CADM2: variants seen among roughly 807,000 people sequenced by gnomAD.
CADM2 encodes cell adhesion molecule 2, also known as immunoglobulin superfamily member 4D.
A neutral mutation model predicts 49.8 loss-of-function variants in CADM2; 12 were observed. That is an observed-to-expected ratio of 0.24 (90% CI 0.15 to 0.39). The LOEUF is 0.39. Among genes scored for constraint, CADM2 ranks in the 10% least tolerant of loss-of-function variants. The pLI, the probability that CADM2 is intolerant of heterozygous loss-of-function variation, is 1.00. For synonymous variants in CADM2, 214 were observed against 175.4 expected, an observed-to-expected ratio of 1.22 and a Z score of -1.74; for missense variants, 378 against 492.3, an observed-to-expected ratio of 0.77 and a Z score of 2.20.
chr3:85,695,134 T>C (rs1390671335), intron 1 of CADM2, among the ~76,000 whole-genome samples: 2 of 152,156 alleles, frequency 1.3e-5, no homozygotes, highest in Non-Finnish European at 2.9e-5. Context: ...CTTAAATATT[T>C]ATTGTTTCAT....
rs1391589037 is a variant in CADM2 at position 85,344,728 on chromosome 3, T to G, written c.62-381794T>G. On this transcript the variant is annotated intron_variant, in intron 1 of 9. Transcript: ENST00000383699. ...TTCTTTGATATTTCCACTGGTAACT[T>G]TATAGAAAATTATTTTTGAATGTGC... Among the ~76,000 whole-genome samples the G allele has an allele frequency of 2.6e-5, 4 of 152,114 alleles. No homozygotes were observed. In the East Asian group the frequency reaches 7.7e-4, roughly 29 times the overall value.
At chr3:85,282,493 A>T (rs2043527389) in intron 1 of CADM2, among the ~76,000 whole-genome samples, 1 of 150,134 alleles carries the variant, frequency 6.7e-6, no homozygotes, top group East Asian at 2.0e-4. Flanking sequence ...GATGGTCACA[A>T]GCTCATGACC....
intron 1 of CADM2, among the ~76,000 whole-genome samples, chr3:85,646,396 T>A (rs1256946653): frequency 1.3e-5 from 2 of 151,934 alleles, no homozygotes; most frequent in Non-Finnish European, 2.9e-5. Flanking sequence ...AACAGTCAAT[T>A]AGGAGCACAA....
At chr3:85,462,985 G>A (rs534770348) in intron 1 of CADM2, among the ~76,000 whole-genome samples, 4 of 152,160 alleles carry the variant, frequency 2.6e-5, no homozygotes, top group East Asian at 1.9e-4. Context: ...TCATGCCTTC[G>A]TTTCCTCATC....
In CADM2 at chr3:85,703,248, C is replaced by T. The variant is rs746406052; in HGVS notation, c.62-23274C>T. 3.7e-4 allele frequency among the ~76,000 whole-genome samples: 57 copies of T among 152,048 alleles called. 1 individual carries two copies. The highest frequency in any genetic ancestry group is 6.3e-3 in the Middle Eastern group (2 of 316). ...CCCTCAAACCCCAAAGAGCTAAATG[C>T]CATTCAGGTGATTAGCAGGATCAGC... On this transcript the variant is annotated intron_variant, in intron 1 of 9. Transcript: ENST00000383699.
At chr3:85,299,873 G>C (rs528272207) in intron 1 of CADM2, among the ~76,000 whole-genome samples, 4 of 152,176 alleles carry the variant, frequency 2.6e-5, no homozygotes, top group African/African-American at 9.6e-5. Flanking sequence ...TGCAAAGACT[G>C]TGGTAAACCC....
At chr3:86,055,451 C>CTTTTTTTTT (rs57606781) in intron 8 of CADM2, among the ~76,000 whole-genome samples, 11 of 87,480 alleles carry the variant, frequency 1.3e-4, no homozygotes, top group East Asian at 4.1e-4. Flanking sequence ...GGCATCCCCT[C>CTTTTTTTTT]TTTTTTTTTT....
chr3:85,274,646 A>G (rs1021453093), intron 1 of CADM2, among the ~76,000 whole-genome samples: 1 of 151,484 alleles, frequency 6.6e-6, no homozygotes, highest in African/African-American at 2.4e-5. Context: ...AGAATAGGAC[A>G]TCTTTCTCCC....
chr3:85,865,638 A>T (rs1236227089), intron 3 of CADM2, among the ~76,000 whole-genome samples: 1 of 152,228 alleles, frequency 6.6e-6, no homozygotes, highest in African/African-American at 2.4e-5. Context: ...TGCAAATGAT[A>T]ATATGACTGT....
chr3:86,057,022 T>C lies in CADM2; in HGVS notation c.971-8583T>C, dbSNP rs181160054. ...AAGTTTCTACACATATTACGTATAG[T>C]TAAAACTATGTGTAAATCACTGCAC... On this transcript the variant is annotated intron_variant, in intron 8 of 9. Coordinates refer to ENST00000383699, the MANE Select transcript of CADM2 (RefSeq NM_001167675.2). 5.8e-3 allele frequency among the ~76,000 whole-genome samples: 889 copies of C among 152,334 alleles called. 10 individuals carry two copies. Among genetic ancestry groups the C allele is most frequent in the Non-Finnish European group, 0.01 (681 of 68,022 alleles).
At chr3:85,738,552 CATG>C (rs1362731764) in intron 2 of CADM2, among the ~76,000 whole-genome samples, 3 of 152,192 alleles carry the variant, frequency 2.0e-5, no homozygotes, top group Non-Finnish European at 4.4e-5. Context: ...GTCATTTCAG[CATG>C]ATAATTTGAC....
chr3:85,904,747 C>CAT (rs1716562166), intron 5 of CADM2, among the ~76,000 whole-genome samples: 1 of 152,082 alleles, frequency 6.6e-6, no homozygotes, highest in Non-Finnish European at 1.5e-5. Flanking sequence ...CATACTCATA[C>CAT]GTTTTCACGA....
At chr3:85,445,980 T>G (rs995712459) in intron 1 of CADM2, among the ~76,000 whole-genome samples, 1 of 152,138 alleles carries the variant, frequency 6.6e-6, no homozygotes, top group Non-Finnish European at 1.5e-5. Context: ...TCTACAAATA[T>G]TTTACAAATA....
intron 1 of CADM2, among the ~76,000 whole-genome samples, chr3:85,290,705 C>T (rs533394153): frequency 1.3e-5 from 2 of 152,274 alleles, no homozygotes; most frequent in South Asian, 4.1e-4. Flanking sequence ...GCTGGTACTC[C>T]AACAGACCTG....
chr3:85,788,428 A>G (rs949190666), intron 2 of CADM2, among the ~76,000 whole-genome samples: 4 of 152,232 alleles, frequency 2.6e-5, no homozygotes, highest in Non-Finnish European at 5.9e-5. Flanking sequence ...CCAAACATCT[A>G]TGTAGCTATT....
At chr3:85,588,756 G>A (rs1422239568) in intron 1 of CADM2, among the ~76,000 whole-genome samples, 1 of 151,920 alleles carries the variant, frequency 6.6e-6, no homozygotes, top group Non-Finnish European at 1.5e-5. Context: ...GTAAGAAAAG[G>A]CAAATGTCAG....
At chr3:85,555,525 T>C (rs909448893) in intron 1 of CADM2, among the ~76,000 whole-genome samples, 1 of 152,114 alleles carries the variant, frequency 6.6e-6, no homozygotes, top group Non-Finnish European at 1.5e-5. Flanking sequence ...CAAAAGTAAT[T>C]ATATTGTGAG....
At chr3:85,370,938 A>C (rs1283020028) in intron 1 of CADM2, among the ~76,000 whole-genome samples, 1 of 152,190 alleles carries the variant, frequency 6.6e-6, no homozygotes, top group African/African-American at 2.4e-5. Context: ...GAGTTTAAAA[A>C]ATCAAAACAA....
At chr3:85,790,801 C>T (rs1385400213) in intron 2 of CADM2, among the ~76,000 whole-genome samples, 1 of 152,158 alleles carries the variant, frequency 6.6e-6, no homozygotes, top group Admixed American at 6.5e-5. Flanking sequence ...TTTGTTTCTT[C>T]CCTGCCTTGG....
Sources: gnomAD v4.1 joint callset for allele counts (sites outside exome capture counted in the v4.1 genomes callset) on GRCh38, gnomAD v4.1.1 for gene constraint, MANE v1.5 for transcripts, NCBI Gene and HGNC (gene_info 2026-07-23, HGNC 2026-07-21) for gene names.